Variants in SLCO3A1 observed in about 807,000 individuals in gnomAD.
SLCO3A1 encodes solute carrier organic anion transporter family member 3A1, also known as PGE1 transporter.
SLCO3A1 carries 27 observed loss-of-function variants against 63.1 expected under a neutral mutation model. That is an observed-to-expected ratio of 0.43 (90% confidence interval 0.32 to 0.59). The LOEUF is 0.59. Among genes scored for constraint, SLCO3A1 ranks in the 20% least tolerant of loss-of-function variants. The probability of loss-of-function intolerance (pLI) is 0.09; values close to 1 mark genes in which losing one functional copy is unlikely to be tolerated. For synonymous variants in SLCO3A1, 473 were observed against 409.9 expected, an observed-to-expected ratio of 1.15 and a Z score of -1.86; for missense variants, 773 against 945.8, an observed-to-expected ratio of 0.82 and a Z score of 2.40.
At chr15:91,945,000 T>A (rs759146359) in intron 2 of SLCO3A1, among the ~76,000 whole-genome samples, 4 of 152,230 alleles carry the variant, frequency 2.6e-5, no homozygotes, top group Non-Finnish European at 5.9e-5. Context: ...TGAACAGTTT[T>A]TGTTCTGAGC....
chr15:91,889,181 G>A (rs755163437), intron 1 of SLCO3A1: 9 of 1,286,358 alleles, frequency 7.0e-6, no homozygotes, highest in Non-Finnish European at 8.1e-6. Flanking sequence ...TCATAACACT[G>A]GAGATGCATG....
rs1478695612 is a variant in SLCO3A1, at chr15:91,942,417, G to C, written c.646+25959G>C. On this transcript the variant is annotated intron_variant, in intron 2 of 9. Transcript: ENST00000318445. This position sits in a 1 kb window ranked among gnomAD's most constrained non-coding sequence, Gnocchi z 4.1. ...CTGTGCAGGTAAAACATGCCATTTA[G>C]CAGTGCTACTATGGCACAACTGCAG... 6.6e-6 allele frequency among the ~76,000 whole-genome samples: 1 copy of C among 152,164 alleles called. No individual in the cohort carries two copies. Among genetic ancestry groups the C allele is most frequent in the African/African-American group, 2.4e-5 (1 of 41,418 alleles).
chr15:91,975,795 A>G (rs28483711), intron 2 of SLCO3A1, among the ~76,000 whole-genome samples: 3,813 of 152,294 alleles, frequency 0.025, 166 homozygotes, highest in African/African-American at 0.086. Flanking sequence ...AAGGCAGGCA[A>G]GAGGAGCAGC....
rs146170927 is a variant in SLCO3A1, at chr15:92,155,717, A to G, written c.1753+4703A>G. Among the ~76,000 whole-genome samples the G allele has an allele frequency of 5.7e-3, 870 of 152,288 alleles. 34 individuals are homozygous for G. The highest frequency in any genetic ancestry group is 0.052 in the Admixed American group (803 of 15,296). ...AGATGGGAGCCACATAAGAGACAGC[A>G]TCTATTGAGATCCCCCCAACCCAAC... On this transcript the variant is annotated intron_variant, in intron 9 of 9. Transcript: ENST00000318445.
chr15:91,989,420 A>G (rs796640345), intron 2 of SLCO3A1, among the ~76,000 whole-genome samples: 6 of 152,338 alleles, frequency 3.9e-5, no homozygotes, highest in African/African-American at 1.4e-4. Context: ...ATGTGAGCAG[A>G]TACTTATGGA....
intron 4 of SLCO3A1, among the ~76,000 whole-genome samples, chr15:92,113,299 G>A (rs1190877398): frequency 6.6e-6 from 1 of 152,054 alleles, no homozygotes; most frequent in Admixed American, 6.5e-5. Flanking sequence ...GCTTTAAACT[G>A]GCTAATGGGC....
At chr15:92,028,079 T>C (rs1377346133) in intron 2 of SLCO3A1, among the ~76,000 whole-genome samples, 1 of 152,198 alleles carries the variant, frequency 6.6e-6, no homozygotes, top group Non-Finnish European at 1.5e-5. Context: ...TCTGCTTATG[T>C]GCTGCTGTTT....
intron 1 of SLCO3A1, among the ~76,000 whole-genome samples, chr15:91,857,318 C>G (rs1271814718): frequency 6.6e-6 from 1 of 152,096 alleles, no homozygotes; most frequent in African/African-American, 2.4e-5. Context: ...GCAACCTGGG[C>G]CAACTGTGGA....
At chr15:92,128,128 C>T (rs558902877) in intron 6 of SLCO3A1, among the ~76,000 whole-genome samples, 1 of 152,282 alleles carries the variant, frequency 6.6e-6, no homozygotes, top group African/African-American at 2.4e-5. Context: ...CATCATTGGC[C>T]AGGGCACAAC....
At chr15:91,963,213 A>C (rs975547172) in intron 2 of SLCO3A1, among the ~76,000 whole-genome samples, 2 of 152,124 alleles carry the variant, frequency 1.3e-5, no homozygotes, top group Non-Finnish European at 2.9e-5. Flanking sequence ...AGTCCTAGGC[A>C]AGATGCTTGG....
chr15:91,969,886 T>C (rs541372840), intron 2 of SLCO3A1, among the ~76,000 whole-genome samples: 2 of 152,326 alleles, frequency 1.3e-5, no homozygotes, highest in South Asian at 2.1e-4. Context: ...GCCCTTTGCA[T>C]TGCTGGGTAG....
chr15:92,071,143 A>G (rs2047210948), intron 2 of SLCO3A1, among the ~76,000 whole-genome samples: 1 of 152,188 alleles, frequency 6.6e-6, no homozygotes, highest in Admixed American at 6.5e-5. Context: ...CTGGAGGACT[A>G]GAGAGTGAGC....
At chr15:91,867,383 G>A (rs1003678101) in intron 1 of SLCO3A1, among the ~76,000 whole-genome samples, 3 of 152,182 alleles carry the variant, frequency 2.0e-5, no homozygotes, top group East Asian at 3.9e-4. Context: ...TGGGAGGGGG[G>A]CAAATATAGG....
intron 2 of SLCO3A1, among the ~76,000 whole-genome samples, chr15:92,005,786 G>C (rs565322005): frequency 1.3e-5 from 2 of 152,232 alleles, no homozygotes; most frequent in African/African-American, 4.8e-5. Flanking sequence ...TTCCCTTGTG[G>C]CCCAGTCACC....
Position 92,164,439 on chromosome 15 carries a change from G to T in SLCO3A1, c.*1304G>T. On this transcript the variant is annotated 3_prime_UTR_variant, in exon 10 of 10. Transcript: ENST00000318445. ...TTTTAGCTTCCTTCCCCATGATTCA[G>T]TGATCACTGTCACGGGAAACCCTTT... The T allele has an allele frequency of 6.1e-6, 6 of 985,440 alleles. No homozygotes were observed. The highest frequency in any genetic ancestry group is 1.7e-5 in the African/African-American group (1 of 57,354). 61.0% of individuals were successfully genotyped at this position (985,440 alleles called of 1,614,324 possible).
At chr15:91,890,336 G>A (rs982250529) in intron 1 of SLCO3A1, among the ~76,000 whole-genome samples, 3 of 152,086 alleles carry the variant, frequency 2.0e-5, no homozygotes, top group African/African-American at 4.8e-5. Flanking sequence ...GTATTTTTAA[G>A]TAAGTTGCCT....
intron 2 of SLCO3A1, among the ~76,000 whole-genome samples, chr15:92,017,187 G>T (rs1274203872): frequency 6.6e-6 from 1 of 152,140 alleles, no homozygotes; most frequent in Non-Finnish European, 1.5e-5. Flanking sequence ...GGGAGATTAG[G>T]GAGAATGAGG....
At chr15:92,002,045 G>A (rs775997355) in intron 2 of SLCO3A1, among the ~76,000 whole-genome samples, 6 of 151,898 alleles carry the variant, frequency 4.0e-5, no homozygotes, top group Non-Finnish European at 8.8e-5. Context: ...CACTACATAC[G>A]GAAGACCACG....
intron 2 of SLCO3A1, among the ~76,000 whole-genome samples, chr15:92,053,733 T>G (rs2046988896): frequency 6.6e-6 from 1 of 150,716 alleles, no homozygotes; most frequent in African/African-American, 2.5e-5. Flanking sequence ...TAAACTGGGG[T>G]TATGGGTTTG....
Sources: allele counts gnomAD v4.1 joint callset (sites outside exome capture counted in the v4.1 genomes callset), GRCh38; gene constraint gnomAD v4.1.1; non-coding constraint Gnocchi (gnomAD v3.1); transcripts MANE v1.5; gene names NCBI Gene and HGNC (gene_info 2026-07-23, HGNC 2026-07-21).